WDFY3: variants seen among roughly 807,000 people sequenced by gnomAD.
WDFY3 encodes WD repeat and FYVE domain containing 3, also known as WD repeat and FYVE domain-containing protein 3.
A neutral mutation model predicts 409.6 loss-of-function variants in WDFY3; 66 were observed. The observed-to-expected ratio is 0.16, with a 90% CI of 0.13 to 0.20. The LOEUF is 0.20. WDFY3 is among the 10% of genes least tolerant of loss of function. The pLI is 1.00. For missense variants in WDFY3, 3,031 were observed against 4,298.1 expected (o/e 0.71, Z 8.24); for synonymous variants, 1,521 against 1,537.1 (o/e 0.99, Z 0.25).
At chr4:84,796,850 G>T in intron 18 of WDFY3, 98 bp from the exon 19 acceptor site, 2 of 1,000,462 alleles carry the variant, frequency 2.0e-6, no homozygotes, top group Non-Finnish European at 1.5e-6. Context: ...AGTTTCAATA[G>T]ACAATAATTT....
chr4:84,696,852 A>T (rs369333571), intron 56 of WDFY3, 29 bp from the exon 57 acceptor site: 7 of 1,584,174 alleles, frequency 4.4e-6, no homozygotes, highest in Non-Finnish European at 6.1e-6. Flanking sequence ...TAAAAATAAA[A>T]AAAAAGAAAG....
intron 36 of WDFY3, among the ~76,000 whole-genome samples, chr4:84,747,008 A>G (rs1171577548): frequency 6.6e-6 from 1 of 152,190 alleles, no homozygotes; most frequent in Admixed American, 6.5e-5. Context: ...AAATCTGCAA[A>G]GTGTGGGCTA....
At chr4:84,951,896 T>C (rs1579267461) in intron 1 of WDFY3, among the ~76,000 whole-genome samples, 1 of 152,166 alleles carries the variant, frequency 6.6e-6, no homozygotes, top group East Asian at 1.9e-4. Flanking sequence ...CTATCAACAT[T>C]GGCAAGCCAC....
Position 84,772,922 on chromosome 4 carries a change from G to C in WDFY3, c.4762C>G (p.Gln1588Glu). The C allele has an allele frequency of 6.3e-7, 1 of 1,598,798 alleles. No individual in the cohort carries two copies. The highest frequency in any genetic ancestry group is 8.5e-7 in the Non-Finnish European group (1 of 1,174,832). Reference protein sequence around the residue: ...PSSNDLLRFGQFISSTLPTFA... With the variant: ...PSSNDLLRFGEFISSTLPTFA... Reference sequence around the variant, plus strand: ...GTTGGCAAAGTAGAAGAAATAAACTGCCCAAATCTTTAAACAAAGGAAAAC... The same window carrying C: ...GTTGGCAAAGTAGAAGAAATAAACTCCCCAAATCTTTAAACAAAGGAAAAC... The change falls in exon 30 of 68, where the codon CAG becomes GAG. Residue 1588 changes from glutamine (Q) to glutamate (E), a missense_variant. By Grantham distance (29) the Gln-to-Glu change is conservative (BLOSUM62 2). This residue lies in a region of WDFY3 where 342 missense variants were observed against 463.7 expected (regional missense o/e 0.74). Transcript: ENST00000295888.
chr4:84,909,404 AAAAG>A (rs1482957430), intron 2 of WDFY3, among the ~76,000 whole-genome samples: 1 of 152,164 alleles, frequency 6.6e-6, no homozygotes, highest in Admixed American at 6.5e-5. Context: ...TTGTAATAAA[AAAAG>A]AAAGGGCACA....
At chr4:84,869,342 T>A (rs184937199) in intron 3 of WDFY3, among the ~76,000 whole-genome samples, 1 of 152,302 alleles carries the variant, frequency 6.6e-6, no homozygotes. Flanking sequence ...AGACTATATT[T>A]AATTCTCATC....
intron 2 of WDFY3, among the ~76,000 whole-genome samples, chr4:84,917,513 A>G (rs1768665563): frequency 6.6e-6 from 1 of 152,210 alleles, no homozygotes; most frequent in Admixed American, 6.5e-5. Context: ...ATTAACTTAC[A>G]TATTCTATAC....
At position 84,837,108 on chromosome 4, in the gene WDFY3, A is replaced by G. The variant is rs1578748573; in HGVS notation, c.415-18T>C. On this transcript the variant is annotated intron_variant, in intron 6 of 67. Transcript: ENST00000295888. ...ACGGTTTTCTGGAAAACAAGCCAAT[A>G]AATAAGTGAATAGATAGACACAACT... is the stretch of plus-strand genomic sequence containing the variant. The G allele has an allele frequency of 6.7e-7, 1 of 1,489,140 alleles. No individual in the cohort carries two copies. The highest frequency in any genetic ancestry group is 2.5e-5 in the East Asian group (1 of 40,012). The allele number at this position is 1,489,140 out of a possible 1,614,324, so 92.2% of individuals were successfully genotyped here.
chr4:84,762,969 A>C (rs1442449424), intron 32 of WDFY3, among the ~76,000 whole-genome samples: 1 of 152,092 alleles, frequency 6.6e-6, no homozygotes, highest in Non-Finnish European at 1.5e-5. Context: ...AAATTTAAAA[A>C]GTGAAAAAGA....
chr4:84,839,614 T>C (rs1262489192), intron 6 of WDFY3, among the ~76,000 whole-genome samples: 5 of 151,524 alleles, frequency 3.3e-5, no homozygotes, highest in African/African-American at 9.7e-5. Context: ...TCCCAGCACT[T>C]TGGGAGGCCA....
intron 16 of WDFY3, 76 bp from the exon 17 acceptor site, chr4:84,801,940 T>A: frequency 1.4e-6 from 2 of 1,432,936 alleles, no homozygotes; most frequent in Non-Finnish European, 1.9e-6. Context: ...ACATGAAGCA[T>A]ACCTTTTTAA....
At chr4:84,765,357 A>G (rs568974229) in intron 32 of WDFY3, among the ~76,000 whole-genome samples, 1 of 152,316 alleles carries the variant, frequency 6.6e-6, no homozygotes, top group Non-Finnish European at 1.5e-5. Flanking sequence ...CTTTGGAACT[A>G]AATAAAATGA....
At chr4:84,714,633 A>C (rs1201266236) in intron 50 of WDFY3, among the ~76,000 whole-genome samples, 2 of 152,186 alleles carry the variant, frequency 1.3e-5, no homozygotes, top group Non-Finnish European at 2.9e-5. Flanking sequence ...AAATACAAAG[A>C]AAGCTTATTT....
At chr4:84,894,499 A>C (rs1347779308) in intron 3 of WDFY3, among the ~76,000 whole-genome samples, 1 of 151,878 alleles carries the variant, frequency 6.6e-6, no homozygotes, top group African/African-American at 2.4e-5. Flanking sequence ...TCTCTACTAA[A>C]AATTAGGCTG....
intron 32 of WDFY3, among the ~76,000 whole-genome samples, chr4:84,763,275 C>G (rs1004507810): frequency 1.3e-5 from 2 of 152,006 alleles, no homozygotes; most frequent in African/African-American, 4.8e-5. Flanking sequence ...CAAACTAACA[C>G]AGGAACAGAA....
intron 1 of WDFY3, among the ~76,000 whole-genome samples, chr4:84,945,175 T>A (rs1010553834): frequency 6.6e-6 from 1 of 152,174 alleles, no homozygotes; most frequent in Non-Finnish European, 1.5e-5. Flanking sequence ...GCCAGCCTGG[T>A]CCTTGCTCAA....
intron 30 of WDFY3, 150 bp downstream of exon 30, chr4:84,772,685 T>A: frequency 4.9e-6 from 3 of 616,526 alleles, no homozygotes; most frequent in Non-Finnish European, 5.5e-6. Context: ...GACAAATACA[T>A]CAGAGAAGGG....
intron 43 of WDFY3, among the ~76,000 whole-genome samples, chr4:84,734,275 T>G (rs1737071240): frequency 6.6e-6 from 1 of 152,158 alleles, no homozygotes; most frequent in Non-Finnish European, 1.5e-5. Context: ...CAGTAGACAG[T>G]GACAAATAAC....
intron 44 of WDFY3, among the ~76,000 whole-genome samples, chr4:84,733,114 C>G (rs184300089): frequency 8.5e-5 from 13 of 152,264 alleles, no homozygotes; most frequent in African/African-American, 2.6e-4. Context: ...CATAACCCAG[C>G]TATAATAGCA....
Sources: gnomAD v4.1 joint callset for allele counts (sites outside exome capture counted in the v4.1 genomes callset) on GRCh38, gnomAD v4.1.1 for gene constraint, gnomAD v4.1.1 regional missense constraint, MANE v1.5 for transcripts, NCBI Gene and HGNC (gene_info 2026-07-23, HGNC 2026-07-21) for gene names.